COL2A1: variants seen among roughly 807,000 people sequenced by gnomAD.
COL2A1 encodes collagen type II alpha 1 chain, also known as collagen alpha-1(II) chain.
Under a neutral mutation model 204.5 loss-of-function variants are expected in COL2A1, and 28 were observed. That is an observed-to-expected ratio of 0.14 (90% CI 0.10 to 0.19). The LOEUF is 0.19. Among genes scored for constraint, COL2A1 ranks in the 10% least tolerant of loss-of-function variants. The pLI is 1.00. For synonymous variants in COL2A1, 708 were observed against 718.7 expected (o/e 0.99, Z 0.24); for missense variants, 1,388 against 2,027.5 (o/e 0.68, Z 6.06).
Position 47,977,078 on chromosome 12 carries a change from A to G in COL2A1, c.3327+24T>C, listed in dbSNP as rs1295770567. ...CCCAGCCTATCCCTGGTGGGGACTC[A>G]GTGCAGGACACTTGGATACTCACCT... is the stretch of plus-strand genomic sequence containing the variant. On this transcript the variant is annotated intron_variant, in intron 47 of 53. Transcript: ENST00000380518. 6.3e-6 allele frequency: 10 copies of G among 1,597,766 alleles called. No homozygotes were observed. In the African/African-American group the frequency reaches 9.4e-5, roughly 15 times the overall value.
In COL2A1 at chr12:47,974,766, G is replaced by C. The variant is rs1217363397; in HGVS notation, c.3983C>G (p.Pro1328Arg). The C allele has an allele frequency of 6.2e-7, 1 of 1,614,188 alleles. No individual in the cohort carries two copies. Among genetic ancestry groups the C allele is most frequent in the East Asian group, 2.2e-5 (1 of 44,888 alleles). The change falls in exon 52 of 54, where the codon CCA (proline) becomes CGA (arginine). Residue 1328 changes from proline to arginine, a missense_variant. Physicochemically the swap from Pro to Arg is moderately radical, Grantham distance 103. Around this residue, in one of 3 missense-constraint regions of COL2A1, gnomAD observed 303 missense variants for 369.2 expected, o/e 0.82. Coordinates refer to ENST00000380518, the MANE Select transcript of COL2A1 (RefSeq NM_001844.5). ...CCAGTTCTTCTTGGGAACGTTTGCT[G>C]GATTGGGGTAGACGCAAGTCTCGCC... The part of the protein sequence containing the change: ...ETGETCVYPN[P>R]ANVPKKNWWS...
At position 47,981,107 on chromosome 12, in the gene COL2A1, G is replaced by A. The variant is rs1027879636; in HGVS notation, c.2464-139C>T. 14 of 937,038 alleles carry A rather than the reference G, an allele frequency of 1.5e-5. No homozygotes were observed. The African/African-American group carries it at 1.6e-4, about 11-fold the overall frequency. The allele number at this position is 937,038 out of a possible 1,614,324, so 58.0% of individuals were successfully genotyped here. A position where few individuals can be genotyped will look rare whatever the true frequency, so the allele number is the denominator to read the frequency against. On this transcript the variant is annotated intron_variant, in intron 37 of 53. Coordinates refer to ENST00000380518, the MANE Select transcript of COL2A1 (RefSeq NM_001844.5). ...TCTGAAAGCAGCCTTAGTCCTGAAC[G>A]CAGGCAGAGGCTCTGTTAACCCAAA...
rs778074330 is a variant in COL2A1, at chr12:48,000,142, G to A, written c.86-17C>T. ...CAGCCTCCTCTGCACCAAGGGTGGG[G>A]AGGGAGAAGCAGAGAGCCAAGGGAA... On this transcript the variant is annotated splice_polypyrimidine_tract_variant and intron_variant, in intron 1 of 53. Transcript: ENST00000380518. 4 of 1,598,706 alleles carry A rather than the reference G, an allele frequency of 2.5e-6. No individual in the cohort carries two copies. Among genetic ancestry groups the A allele is most frequent in the Admixed American group, 1.7e-5 (1 of 59,444 alleles).
chr12:47,983,869 A>C (rs1939237808), intron 29 of COL2A1, 133 bp from the exon 30 acceptor site: 2 of 1,026,278 alleles, frequency 1.9e-6, no homozygotes, highest in African/African-American at 1.6e-5. Context: ...CAGTGCATGC[A>C]TGCCTCCCTG....
chr12:47,980,906 G>T lies in COL2A1; in HGVS notation c.2517+9C>A. On this transcript the variant is annotated intron_variant, in intron 38 of 53. Transcript: ENST00000380518. The surrounding 1 kb of genome is among the most constrained non-coding windows in gnomAD (Gnocchi z 4.5). ...GGAGGGACCCAGGAGGATGGACAGAGATACTCACAGGAGGCCCAGCAAATC... is the reference window on the plus strand; with the variant it reads ...GGAGGGACCCAGGAGGATGGACAGATATACTCACAGGAGGCCCAGCAAATC... 6.4e-7 allele frequency: 1 copy of T among 1,552,564 alleles called. No individual in the cohort carries two copies. The highest frequency in any genetic ancestry group is 8.7e-7 in the Non-Finnish European group (1 of 1,147,590).
At chr12:47,999,031 A>G (rs1384193070) in intron 2 of COL2A1, among the ~76,000 whole-genome samples, 1 of 152,204 alleles carries the variant, frequency 6.6e-6, no homozygotes, top group Non-Finnish European at 1.5e-5. Flanking sequence ...CTCAGAAAGG[A>G]TCTGGGAATC....
At chr12:47,975,014 A>G in intron 51 of COL2A1, 152 bp from the exon 52 acceptor site, 1 of 826,850 alleles carries the variant, frequency 1.2e-6, no homozygotes, top group Admixed American at 2.7e-5. Context: ...ACCTGGGAGG[A>G]TGCAGGGGCA....
rs1041082644 is a variant in COL2A1 at position 48,004,045 on chromosome 12, G to A, written c.85+192C>T. On this transcript the variant is annotated intron_variant, in intron 1 of 53. Coordinates refer to ENST00000380518, the MANE Select transcript of COL2A1 (RefSeq NM_001844.5). ...ACTGCGATGGGCACCGAGGACCCTGGGACAGAGTCCTTGATTGGCAGAACT... is the reference window on the plus strand; with the variant it reads ...ACTGCGATGGGCACCGAGGACCCTGAGACAGAGTCCTTGATTGGCAGAACT... 19 of 609,166 alleles carry A rather than the reference G, an allele frequency of 3.1e-5. No individual in the cohort carries two copies. In the African/African-American group the frequency reaches 3.3e-4, roughly 11 times the overall value. 37.7% of individuals were successfully genotyped at this position (609,166 alleles called of 1,614,324 possible).
At chr12:47,991,000 C>A (rs1939676084) in intron 16 of COL2A1, among the ~76,000 whole-genome samples, 1 of 152,218 alleles carries the variant, frequency 6.6e-6, no homozygotes. Context: ...AAATACAACT[C>A]AACTCTTCTT....
chr12:48,001,718 A>C (rs1321242902), intron 1 of COL2A1, among the ~76,000 whole-genome samples: 4 of 152,128 alleles, frequency 2.6e-5, no homozygotes, highest in African/African-American at 9.7e-5. Context: ...GCTCACAGAC[A>C]CCGGGAGAGT....
In COL2A1 at chr12:47,987,458, T is replaced by C; in HGVS notation, c.1222-145A>G. The stretch of plus-strand genomic sequence containing the variant: ...TATGTGTTTCAAGGGGAAGATGGGA[T>C]AGAAGGGAATACATCTAGAGGTGGG... On this transcript the variant is annotated intron_variant, in intron 19 of 53. Transcript: ENST00000380518. This position sits in a 1 kb window ranked among gnomAD's most constrained non-coding sequence, Gnocchi z 4.1. 1.9e-6 allele frequency: 2 copies of C among 1,063,264 alleles called. No individual in the cohort carries two copies. Among genetic ancestry groups the C allele is most frequent in the Non-Finnish European group, 2.8e-6 (2 of 702,888 alleles). The allele number at this position is 1,063,264 out of a possible 1,614,324, so 65.9% of individuals were successfully genotyped here.
chr12:47,993,628 G>A, intron 14 of COL2A1, 126 bp from the exon 15 acceptor site: 8 of 1,095,114 alleles, frequency 7.3e-6, no homozygotes, highest in South Asian at 5.1e-5. Context: ...GTCCTGTGAG[G>A]GACAATGCCC....
chr12:47,987,586 C>T lies in COL2A1; in HGVS notation c.1221+25G>A. ...CAAAGCCACAGACCCCAGACCCCCC[C>T]AGGCCAAAGAGAAGCTGCACTTACG... On this transcript the variant is annotated intron_variant, in intron 19 of 53. Transcript: ENST00000380518. This position sits in a 1 kb window ranked among gnomAD's most constrained non-coding sequence, Gnocchi z 4.1. 1.9e-6 allele frequency: 3 copies of T among 1,593,284 alleles called. No homozygotes were observed. Among genetic ancestry groups the T allele is most frequent in the Non-Finnish European group, 8.6e-7 (1 of 1,165,252 alleles).
intron 1 of COL2A1, among the ~76,000 whole-genome samples, chr12:48,000,632 C>T (rs1174261035): frequency 2.0e-5 from 3 of 152,150 alleles, no homozygotes; most frequent in East Asian, 3.8e-4. Context: ...CTAAATACAA[C>T]TGACAACTAA....
In COL2A1 at chr12:47,987,134, G is replaced by C. The variant is rs917659377; in HGVS notation, c.1309C>G (p.Arg437Gly). 6.2e-7 allele frequency: 1 copy of C among 1,614,142 alleles called. No individual in the cohort carries two copies. Among genetic ancestry groups the C allele is most frequent in the South Asian group, 1.1e-5 (1 of 91,086 alleles). The change falls in exon 21 of 54, where the codon CGG (arginine) becomes GGG (glycine). Residue 437 changes from arginine to glycine, a missense_variant. Arg to Gly is a moderately radical substitution (Grantham distance 125, BLOSUM62 -2). This residue lies in a region of COL2A1 where 884 missense variants were observed against 1,415.8 expected (regional missense o/e 0.62). Transcript: ENST00000380518. The surrounding 1 kb of genome is among the most constrained non-coding windows in gnomAD (Gnocchi z 4.1). Reference sequence around the variant, plus strand: ...GCACCTTGAGGGCCAGGAGGGCCCCGTGGCCCAGGGAAGCCAGGAGCACCA... The same window carrying C: ...GCACCTTGAGGGCCAGGAGGGCCCCCTGGCCCAGGGAAGCCAGGAGCACCA... ...IAGAPGFPGPRGPPGPQGATG... is the reference protein window; with the variant it reads ...IAGAPGFPGPGGPPGPQGATG...
At chr12:47,996,392 C>A (rs1265995508) in intron 8 of COL2A1, among the ~76,000 whole-genome samples, 156 bp downstream of exon 8, 1 of 152,206 alleles carries the variant, frequency 6.6e-6, no homozygotes, top group Non-Finnish European at 1.5e-5. Context: ...CCATTAAAAA[C>A]CAAATGCTTT....
chr12:47,983,010 C>G, intron 32 of COL2A1, 64 bp from the exon 33 acceptor site: 3 of 1,607,148 alleles, frequency 1.9e-6, no homozygotes, highest in Non-Finnish European at 2.6e-6. Context: ...CAGGGAGAAG[C>G]AGGGAGGTGG....
In COL2A1 at chr12:47,974,899, A is replaced by G. The variant is rs1432979917; in HGVS notation, c.3887-37T>C. 5 of 1,591,690 alleles carry G rather than the reference A, an allele frequency of 3.1e-6. No individual in the cohort carries two copies. In the African/African-American group the frequency reaches 6.8e-5, roughly 22 times the overall value. On this transcript the variant is annotated intron_variant, in intron 51 of 53. Transcript: ENST00000380518. ...AGAGGCAGCACCCATGGGGGCTCAGACAGGCACAGACACAAAAGCTTGAGA... is the reference window on the plus strand; with the variant it reads ...AGAGGCAGCACCCATGGGGGCTCAGGCAGGCACAGACACAAAAGCTTGAGA...
chr12:47,973,611 G>A (rs1938544646), intron 53 of COL2A1, 58 bp from the exon 54 acceptor site: 12 of 1,605,536 alleles, frequency 7.5e-6, no homozygotes, highest in Non-Finnish European at 1.0e-5. Flanking sequence ...CCCAGTTCCA[G>A]CTGCCCAGAA....
Sources: gnomAD v4.1 joint callset for allele counts (sites outside exome capture counted in the v4.1 genomes callset) on GRCh38, gnomAD v4.1.1 for gene constraint, gnomAD v4.1.1 regional missense constraint, Gnocchi (gnomAD v3.1) non-coding constraint, MANE v1.5 for transcripts, NCBI Gene and HGNC (gene_info 2026-07-23, HGNC 2026-07-21) for gene names.